Variants in UVRAG observed in about 807,000 individuals in gnomAD.
UVRAG encodes the protein UV radiation resistance associated, also known as UV radiation resistance-associated gene protein.
In UVRAG, 19 loss-of-function variants were observed where a neutral mutation model predicts 78.0. The ratio of observed to expected loss-of-function variants is 0.24; its 90% CI spans 0.17 to 0.36. UVRAG has a LOEUF of 0.36. UVRAG is among the 10% of genes least tolerant of loss of function. The pLI, the probability that UVRAG is intolerant of heterozygous loss-of-function variation, is 1.00. For missense variants in UVRAG, 740 were observed against 853.8 expected, an observed-to-expected ratio of 0.87 and a Z score of 1.66; for synonymous variants, 323 against 324.6, an observed-to-expected ratio of 1.00 and a Z score of 0.05.
chr11:76,038,129 C>G lies in UVRAG; in HGVS notation c.1226+21149C>G, dbSNP rs373931039. The stretch of plus-strand genomic sequence containing the variant: ...CTCCCACTTAAAAAACAAAACAAAA[C>G]CTTAAATCACATTGCTGTTAAGCTT... On this transcript the variant is annotated intron_variant, in intron 12 of 14. Coordinates refer to ENST00000356136, the MANE Select transcript of UVRAG (RefSeq NM_003369.4). 4.6e-5 allele frequency among the ~76,000 whole-genome samples: 7 copies of G among 152,142 alleles called. No individual in the cohort carries two copies. In the East Asian group the frequency reaches 1.4e-3, roughly 29 times the overall value.
chr11:76,140,576 A>G (rs1952698344), intron 14 of UVRAG, 135 bp from the exon 15 acceptor site: 1 of 910,726 alleles, frequency 1.1e-6, no homozygotes, highest in African/African-American at 1.7e-5. Flanking sequence ...CACTGCAATA[A>G]CTATTGTCTA....
chr11:76,047,688 C>T (rs1019250349), intron 12 of UVRAG, among the ~76,000 whole-genome samples: 49 of 152,172 alleles, frequency 3.2e-4, no homozygotes, highest in African/African-American at 1.1e-3. Flanking sequence ...TAAGATTAAA[C>T]TGTCATTTTC....
At chr11:76,128,333 T>C (rs1034679788) in intron 14 of UVRAG, among the ~76,000 whole-genome samples, 1 of 152,146 alleles carries the variant, frequency 6.6e-6, no homozygotes, top group East Asian at 1.9e-4. Context: ...GATGGAATCG[T>C]TTCATCCTGA....
intron 14 of UVRAG, 24 bp downstream of exon 14, chr11:76,116,039 C>T (rs1214693414): frequency 1.9e-6 from 3 of 1,600,022 alleles, no homozygotes; most frequent in Non-Finnish European, 2.6e-6. Context: ...TCTCTGATAA[C>T]CAGAAACTGT....
chr11:75,821,589 C>T (rs1590894344), intron 1 of UVRAG, among the ~76,000 whole-genome samples: 1 of 152,202 alleles, frequency 6.6e-6, no homozygotes, highest in Non-Finnish European at 1.5e-5. Context: ...CTGCCTTGGC[C>T]AACCAAAGCA....
chr11:76,043,109 G>A (rs1950682358), intron 12 of UVRAG, among the ~76,000 whole-genome samples: 1 of 152,296 alleles, frequency 6.6e-6, no homozygotes, highest in East Asian at 1.9e-4. Flanking sequence ...CACTTGATCT[G>A]TAATGTTTTA....
chr11:76,042,493 C>G (rs1950667109), intron 12 of UVRAG, among the ~76,000 whole-genome samples: 1 of 152,142 alleles, frequency 6.6e-6, no homozygotes. Flanking sequence ...AATTAACTCT[C>G]TTCTTGGGTA....
intron 3 of UVRAG, among the ~76,000 whole-genome samples, chr11:75,868,258 G>A (rs1362061759): frequency 6.6e-6 from 1 of 152,170 alleles, no homozygotes; most frequent in Non-Finnish European, 1.5e-5. Flanking sequence ...CAAGAAACAG[G>A]AAAGTAGAAA....
chr11:75,993,322 T>A (rs1591106082), intron 8 of UVRAG, among the ~76,000 whole-genome samples: 1 of 152,202 alleles, frequency 6.6e-6, no homozygotes, highest in African/African-American at 2.4e-5. Flanking sequence ...CCTCATTACT[T>A]CACACTCATA....
At chr11:75,884,240 T>TCTCTCTCTCTCTTTCTC (rs1555080662) in intron 4 of UVRAG, among the ~76,000 whole-genome samples, 10 of 132,470 alleles carry the variant, frequency 7.5e-5, no homozygotes, top group African/African-American at 3.2e-4. Flanking sequence ...CTCTCTCTCT[T>TCTCTCTCTCTCTTTCTC]TCTCTCTCTC....
intron 12 of UVRAG, among the ~76,000 whole-genome samples, chr11:76,055,614 C>T (rs1950967412): frequency 6.6e-6 from 1 of 152,218 alleles, no homozygotes; most frequent in South Asian, 2.1e-4. Context: ...CAGTAGACTT[C>T]CCCTCAATGC....
chr11:76,000,556 T>C (rs1054202859), intron 8 of UVRAG, among the ~76,000 whole-genome samples: 3 of 151,458 alleles, frequency 2.0e-5, no homozygotes, highest in South Asian at 4.2e-4. Context: ...TGCAGTAAGC[T>C]GAGATTACAC....
chr11:75,878,853 AAGAG>A (rs372988334), intron 3 of UVRAG, among the ~76,000 whole-genome samples: 45 of 140,380 alleles, frequency 3.2e-4, no homozygotes, highest in Admixed American at 4.2e-4. Flanking sequence ...AGACCATGGA[AAGAG>A]AGAGAGAGAG....
chr11:75,827,954 G>A (rs1428628233), intron 1 of UVRAG, among the ~76,000 whole-genome samples: 1 of 151,516 alleles, frequency 6.6e-6, no homozygotes, highest in Non-Finnish European at 1.5e-5. Context: ...AAGAAAATCA[G>A]TATTGCTTTC....
At chr11:76,031,104 A>G (rs1025738524) in intron 12 of UVRAG, among the ~76,000 whole-genome samples, 5 of 152,004 alleles carry the variant, frequency 3.3e-5, no homozygotes, top group Admixed American at 3.3e-4. Flanking sequence ...CTGACACTCT[A>G]CTCTGTGACC....
At chr11:75,893,625 T>TAATTTGAGACC (rs1344608320) in intron 5 of UVRAG, among the ~76,000 whole-genome samples, 1 of 133,300 alleles carries the variant, frequency 7.5e-6, no homozygotes, top group African/African-American at 2.9e-5. Context: ...AGAGTGAGGG[T>TAATTTGAGACC]AATTTGAGAC....
At chr11:76,081,525 T>A (rs1017397032) in intron 13 of UVRAG, among the ~76,000 whole-genome samples, 3 of 152,096 alleles carry the variant, frequency 2.0e-5, no homozygotes, top group Non-Finnish European at 4.4e-5. Flanking sequence ...AGTCTCTAAT[T>A]TTTCTAAGCC....
chr11:76,126,050 C>T (rs919927182), intron 14 of UVRAG, among the ~76,000 whole-genome samples: 3 of 151,396 alleles, frequency 2.0e-5, no homozygotes, highest in Non-Finnish European at 2.9e-5. Flanking sequence ...CCCGGGTTCA[C>T]GCCATTCCCC....
At chr11:75,920,412 C>G (rs1947954987) in intron 6 of UVRAG, among the ~76,000 whole-genome samples, 1 of 152,058 alleles carries the variant, frequency 6.6e-6, no homozygotes, top group Non-Finnish European at 1.5e-5. Context: ...TCATCCGTCT[C>G]TACATATACT....
Sources: allele counts gnomAD v4.1 joint callset (sites outside exome capture counted in the v4.1 genomes callset), GRCh38; gene constraint gnomAD v4.1.1; transcripts MANE v1.5; gene names NCBI Gene and HGNC (gene_info 2026-07-23, HGNC 2026-07-21).